SEC31A: variants seen among roughly 807,000 people sequenced by gnomAD.
SEC31A encodes SEC31 homolog A, COPII component.
A neutral mutation model predicts 151.0 loss-of-function variants in SEC31A; 70 were observed. The ratio of observed to expected loss-of-function variants is 0.46; its 90% CI spans 0.38 to 0.57. The LOEUF (loss-of-function observed/expected upper bound fraction) is 0.57. SEC31A is among the 20% of genes least tolerant of loss of function. The probability of loss-of-function intolerance (pLI) is 0.00; values close to 1 mark genes in which losing one functional copy is unlikely to be tolerated. For missense variants in SEC31A, 1,330 were observed against 1,471.2 expected, an observed-to-expected ratio of 0.90 and a Z score of 1.57; for synonymous variants, 475 against 505.9, an observed-to-expected ratio of 0.94 and a Z score of 0.82.
intron 24 of SEC31A, 122 bp downstream of exon 24, chr4:82,827,247 T>G: frequency 8.7e-7 from 1 of 1,148,256 alleles, no homozygotes; most frequent in Non-Finnish European, 1.2e-6. Flanking sequence ...AAAGTTACTA[T>G]TTTTTGTTTA....
chr4:82,859,725 T>C (rs1254551119), intron 14 of SEC31A, among the ~76,000 whole-genome samples: 1 of 152,166 alleles, frequency 6.6e-6, no homozygotes, highest in Non-Finnish European at 1.5e-5. Context: ...ATTTAAGTTA[T>C]TCACATTAAG....
intron 14 of SEC31A, among the ~76,000 whole-genome samples, chr4:82,860,381 ATCT>A (rs767733139): frequency 5.9e-5 from 9 of 152,336 alleles, no homozygotes; most frequent in Admixed American, 4.6e-4. Flanking sequence ...TTCCCAAATG[ATCT>A]TCTATTTGAT....
chr4:82,864,069 A>G (rs2149508093), intron 11 of SEC31A, among the ~76,000 whole-genome samples: 1 of 152,224 alleles, frequency 6.6e-6, no homozygotes, highest in South Asian at 2.1e-4. Context: ...AACTCTATGT[A>G]CTCATCTTCA....
chr4:82,861,898 T>TC, intron 13 of SEC31A, 190 bp from the exon 14 acceptor site: 1 of 271,714 alleles, frequency 3.7e-6, no homozygotes, highest in Non-Finnish European at 6.8e-6. Context: ...GCTAACACTT[T>TC]CCCATTCTTT....
At chr4:82,884,233 C>T (rs28664598) in intron 1 of SEC31A, among the ~76,000 whole-genome samples, 107,659 of 151,704 alleles carry the variant, frequency 0.71, 39,252 homozygotes, top group Non-Finnish European at 0.78. Flanking sequence ...AGGTGATCCA[C>T]CTTCCTCAGC....
chr4:82,898,170 T>C (rs1435168215), intron 3 of SEC31A: 1 of 152,216 alleles, frequency 6.6e-6, no homozygotes, highest in Non-Finnish European at 1.5e-5. Context: ...TATTCAATAA[T>C]CACAACGGTT....
intron 1 of SEC31A, chr4:82,890,757 G>T: frequency 8.4e-7 from 1 of 1,185,658 alleles, no homozygotes; most frequent in South Asian, 3.2e-5. Context: ...GCACCTCTTT[G>T]TGCACAAGGG....
Position 82,837,258 on chromosome 4 carries a change from T to C in SEC31A, c.2968+4882A>G, listed in dbSNP as rs1727607788. The stretch of plus-strand genomic sequence containing the variant: ...TTATGTATGCATGTATGTATGTGTA[T>C]GTCTGTATGAAGGGAATAAATAAAC... On this transcript the variant is annotated intron_variant, in intron 22 of 26. Transcript: ENST00000395310. Among the ~76,000 whole-genome samples the C allele has an allele frequency of 2.0e-5, 3 of 147,682 alleles. No individual in the cohort carries two copies. In the South Asian group the frequency reaches 6.4e-4, roughly 32 times the overall value.
chr4:82,846,369 A>C (rs187194135), intron 20 of SEC31A, among the ~76,000 whole-genome samples: 17 of 133,356 alleles, frequency 1.3e-4, no homozygotes, highest in African/African-American at 4.7e-4. Context: ...TCCAAAACAT[A>C]ATAATAATAA....
At chr4:82,828,083 T>C (rs926077888) in intron 23 of SEC31A, among the ~76,000 whole-genome samples, 2 of 152,114 alleles carry the variant, frequency 1.3e-5, no homozygotes, top group African/African-American at 4.8e-5. Flanking sequence ...CCCAGCTAAT[T>C]TTTGTATTTT....
chr4:82,833,925 A>C (rs186984644), intron 22 of SEC31A, among the ~76,000 whole-genome samples: 1 of 152,376 alleles, frequency 6.6e-6, no homozygotes, highest in Admixed American at 6.5e-5. Flanking sequence ...GTAATCCCAC[A>C]GTTTGAAATC....
At chr4:82,897,721 AGAGT>A (rs1427165145) in intron 3 of SEC31A, 2 of 152,208 alleles carry the variant, frequency 1.3e-5, no homozygotes, top group African/African-American at 2.4e-5. Flanking sequence ...CCTGGGTGAC[AGAGT>A]GAGACCCCAT....
At chr4:82,870,565 G>T in intron 7 of SEC31A, 141 bp from the exon 8 acceptor site, 1 of 647,066 alleles carries the variant, frequency 1.5e-6, no homozygotes, top group Non-Finnish European at 2.6e-6. Flanking sequence ...GGGCGCATTG[G>T]CTCACACCTG....
At chr4:82,899,112 CAT>C (rs1196098534) in intron 3 of SEC31A, among the ~76,000 whole-genome samples, 6 of 152,114 alleles carry the variant, frequency 3.9e-5, no homozygotes, top group African/African-American at 1.4e-4. Context: ...TCACAAAGAC[CAT>C]ATATTAGTTC....
chr4:82,824,645 A>C lies in SEC31A; in HGVS notation c.3321T>G (p.Ile1107Met), dbSNP rs1233082108. The part of the protein sequence containing the change: ...QHVQSLPTKK[I>M]TKKPIPDEHL... ...GCTCATCTGGAATAGGTTTCTTGGT[A>C]ATTTTTTTTGTTGGCAAAGACTGCA... Residue 1107 changes from isoleucine to methionine, a missense_variant, in exon 25 of 27, where the codon ATT becomes ATG. Transcript: ENST00000395310. 4 of 1,614,076 alleles carry C rather than the reference A, an allele frequency of 2.5e-6. No homozygotes were observed. The highest frequency in any genetic ancestry group is 4.5e-5 in the East Asian group (2 of 44,870).
chr4:82,900,061 G>A (rs557492278), intron 2 of SEC31A: 1 of 152,324 alleles, frequency 6.6e-6, no homozygotes, highest in East Asian at 1.9e-4. Flanking sequence ...CTACTGAGGA[G>A]CCCCAAGAAC....
intron 8 of SEC31A, among the ~76,000 whole-genome samples, chr4:82,869,921 T>G (rs540315406): frequency 6.6e-6 from 1 of 152,218 alleles, no homozygotes; most frequent in Non-Finnish European, 1.5e-5. Flanking sequence ...ATTGGAAAAC[T>G]GTATCTACTG....
chr4:82,859,791 A>AT (rs11319185), intron 14 of SEC31A, among the ~76,000 whole-genome samples: 25,774 of 139,846 alleles, frequency 0.18, 2,557 homozygotes, highest in South Asian at 0.33. Flanking sequence ...GCATAAAAAT[A>AT]TTTTTTTTTT....
At chr4:82,872,896 G>A (rs1399307813) in intron 6 of SEC31A, among the ~76,000 whole-genome samples, 1 of 151,844 alleles carries the variant, frequency 6.6e-6, no homozygotes, top group African/African-American at 2.4e-5. Context: ...GTAGAGAAGG[G>A]GTTTCACCAT....
Sources: gnomAD v4.1 joint callset for allele counts (sites outside exome capture counted in the v4.1 genomes callset) on GRCh38, gnomAD v4.1.1 for gene constraint, MANE v1.5 for transcripts, NCBI Gene and HGNC (gene_info 2026-07-23, HGNC 2026-07-21) for gene names.